ADGRL1: variants seen among roughly 807,000 people sequenced by gnomAD.
ADGRL1 encodes CIRL-1.
ADGRL1 carries 31 observed loss-of-function variants against 148.9 expected under a neutral mutation model. That is an observed-to-expected ratio of 0.21 (90% CI 0.16 to 0.28). The LOEUF (loss-of-function observed/expected upper bound fraction) is 0.28, where lower values mean the gene tolerates loss of function less well. Among genes scored for constraint, ADGRL1 ranks in the 10% least tolerant of loss-of-function variants. ADGRL1 has a pLI of 1.00. For missense variants in ADGRL1, 1,521 were observed against 2,058.8 expected (o/e 0.74, Z 5.05); for synonymous variants, 937 against 900.3 (o/e 1.04, Z -0.73).
chr19:14,182,267 C>T (rs556738652), intron 2 of ADGRL1, among the ~76,000 whole-genome samples: 1 of 152,326 alleles, frequency 6.6e-6, no homozygotes, highest in South Asian at 2.1e-4. Context: ...ATTATTAAGG[C>T]GGTTTGTCTG....
At chr19:14,171,668 C>T (rs1970481561) in intron 3 of ADGRL1, among the ~76,000 whole-genome samples, 1 of 152,150 alleles carries the variant, frequency 6.6e-6, no homozygotes, top group African/African-American at 2.4e-5. Context: ...TGGACACATC[C>T]CACCCTTTGG....
rs767064847 is a variant in ADGRL1 at position 14,183,521 on chromosome 19, A to G, written c.70+12T>C. Reference sequence around the variant, plus strand: ...GGAGCCGCGGCCCCTCCCCGGCCCCAGCAGCACCTACCTTGGGTGGCCGAG... The same window carrying G: ...GGAGCCGCGGCCCCTCCCCGGCCCCGGCAGCACCTACCTTGGGTGGCCGAG... On this transcript the variant is annotated intron_variant, in intron 2 of 22. Transcript: ENST00000361434. The G allele has an allele frequency of 1.8e-5, 28 of 1,565,036 alleles. No homozygotes were observed. The highest frequency in any genetic ancestry group is 2.3e-5 in the Non-Finnish European group (26 of 1,154,408).
chr19:14,199,110 T>C (rs1972443697), intron 1 of ADGRL1, among the ~76,000 whole-genome samples: 1 of 152,172 alleles, frequency 6.6e-6, no homozygotes, highest in Admixed American at 6.5e-5. Flanking sequence ...AGAAGAGGCC[T>C]CCGGCATAGC....
intron 2 of ADGRL1, among the ~76,000 whole-genome samples, chr19:14,181,251 C>G (rs567250092): frequency 2.8e-4 from 43 of 152,330 alleles, no homozygotes; most frequent in African/African-American, 1.0e-3. Context: ...GGAATGAACT[C>G]ATGTTTCTAG....
intron 1 of ADGRL1, among the ~76,000 whole-genome samples, chr19:14,199,255 G>T (rs1364796965): frequency 6.6e-6 from 1 of 152,192 alleles, no homozygotes; most frequent in Admixed American, 6.5e-5. Context: ...GGCTGTGGGG[G>T]TTAGAAATAA....
At chr19:14,205,336 G>C (rs879732907) in intron 1 of ADGRL1, among the ~76,000 whole-genome samples, 3 of 151,958 alleles carry the variant, frequency 2.0e-5, no homozygotes, top group Non-Finnish European at 2.9e-5. Flanking sequence ...CGGCACCACG[G>C]AGAGAAGGTG....
Position 14,151,055 on chromosome 19 carries a change from C to CG in ADGRL1, c.4227dup (p.Ala1410ArgfsTer33). On this transcript the variant is annotated frameshift_variant, in exon 23 of 23. Transcript: ENST00000361434. LOFTEE classifies it high-confidence loss of function. ...TAGATTTCGGGGGGGCCGGGGGGTG[C>CG]GGGAGGGGGTGGGGGCAGGGCCTCA... 1.2e-5 allele frequency: 3 copies of CG among 246,282 alleles called. No individual in the cohort carries two copies. The highest frequency in any genetic ancestry group is 2.3e-4 in the Admixed American group (1 of 4,396). 15.3% of individuals were successfully genotyped at this position (246,282 alleles called of 1,614,324 possible). A position where few individuals can be genotyped will look rare whatever the true frequency, so the allele number is the denominator to read the frequency against.
rs201146355 is a variant in ADGRL1, at chr19:14,152,804, G to A, written c.3403C>T (p.Arg1135Cys). Residue 1135 changes from arginine to cysteine, a missense_variant, in exon 19 of 23, where the codon CGC becomes TGC. Transcript: ENST00000361434. The surrounding 1 kb of genome is among the most constrained non-coding windows in gnomAD (Gnocchi z 6.1). Reference sequence around the variant, plus strand: ...GATACCTGGGTCCCTGTGTAGTAGCGGGTGTTGCTTCGCATGGCTGAGGTC... The same window carrying A: ...GATACCTGGGTCCCTGTGTAGTAGCAGGTGTTGCTTCGCATGGCTGAGGTC... ...LKTSAMRSNT[R>C]YYTGTQSRIR... The A allele has an allele frequency of 1.2e-6, 2 of 1,614,110 alleles. No individual in the cohort carries two copies. The highest frequency in any genetic ancestry group is 8.5e-7 in the Non-Finnish European group (1 of 1,179,998).
chr19:14,151,083 G>A lies in ADGRL1; in HGVS notation c.4200C>T (p.Pro1400=). ...PSYPDSSPEG[P]SEALPPPPPA... ...GAGGGGGTGGGGGCAGGGCCTCACT[G>A]GGCCCCTCAGGGCTGCTGTCCGGGT... is the stretch of plus-strand genomic sequence containing the variant. The change falls in exon 23 of 23, where the codon CCC becomes CCT. Residue 1400 remains proline (P), a synonymous_variant. Coordinates refer to ENST00000361434, the MANE Select transcript of ADGRL1 (RefSeq NM_014921.5). The A allele has an allele frequency of 6.6e-7, 1 of 1,514,960 alleles. No homozygotes were observed. The highest frequency in any genetic ancestry group is 1.3e-5 in the South Asian group (1 of 77,460). 93.8% of individuals were successfully genotyped at this position (1,514,960 alleles called of 1,614,324 possible). A position where few individuals can be genotyped will look rare whatever the true frequency, so the allele number is the denominator to read the frequency against.
chr19:14,159,208 C>T lies in ADGRL1; in HGVS notation c.2031G>A (p.Glu677=), dbSNP rs1171256115. 1 of 1,613,940 alleles carries T rather than the reference C, an allele frequency of 6.2e-7. No homozygotes were observed. Among genetic ancestry groups the T allele is most frequent in the Non-Finnish European group, 8.5e-7 (1 of 1,179,974 alleles). ...GGCCCTCTGTGTTCAGGACTGTGAC[C>T]TCCAGGACTGTGGGGACAGGGGAAG... ...FLAAKENVVL[E]VTVLNTEGQV... The change falls in exon 11 of 23, where the codon GAG becomes GAA. Residue 677 remains glutamate (E), a synonymous_variant. Coordinates refer to ENST00000361434, the MANE Select transcript of ADGRL1 (RefSeq NM_014921.5). The surrounding 1 kb of genome is among the most constrained non-coding windows in gnomAD (Gnocchi z 6.0).
chr19:14,161,256 T>C lies in ADGRL1; in HGVS notation c.1510+56A>G. On this transcript the variant is annotated intron_variant, in intron 6 of 22. Transcript: ENST00000361434. The surrounding 1 kb of genome is among the most constrained non-coding windows in gnomAD (Gnocchi z 4.4). ...CCCCCACCCACACATGCATCTGTGC[T>C]AAGCTGCTGGGGGCATGGCCCCCAT... 6.8e-7 allele frequency: 1 copy of C among 1,475,076 alleles called. No homozygotes were observed. Among genetic ancestry groups the C allele is most frequent in the Non-Finnish European group, 9.0e-7 (1 of 1,114,142 alleles). 91.4% of individuals were successfully genotyped at this position (1,475,076 alleles called of 1,614,324 possible).
chr19:14,161,171 G>T lies in ADGRL1; in HGVS notation c.1510+141C>A. ...ACTGAGTGGCTCCTGTGCCCTGAGA[G>T]CTCTGCTGGTCACTGGGGATGACCC... is the stretch of plus-strand genomic sequence containing the variant. On this transcript the variant is annotated intron_variant, in intron 6 of 22. Coordinates refer to ENST00000361434, the MANE Select transcript of ADGRL1 (RefSeq NM_014921.5). This position sits in a 1 kb window ranked among gnomAD's most constrained non-coding sequence, Gnocchi z 4.4. 1 of 844,144 alleles carries T rather than the reference G, an allele frequency of 1.2e-6. No individual in the cohort carries two copies. Among genetic ancestry groups the T allele is most frequent in the African/African-American group, 1.8e-5 (1 of 56,754 alleles). 52.3% of individuals were successfully genotyped at this position (844,144 alleles called of 1,614,324 possible).
At position 14,152,358 on chromosome 19, in the gene ADGRL1, G is replaced by T. The variant is rs769960369; in HGVS notation, c.3600C>A (p.Ala1200=). Residue 1200 remains alanine (A), a synonymous_variant, in exon 21 of 23, where the codon GCC becomes GCA. Transcript: ENST00000361434. The surrounding 1 kb of genome is among the most constrained non-coding windows in gnomAD (Gnocchi z 6.1). ...GGTSPYNTLI[A]ESVGFNPSSP... ...AGGAGGGATTGAAGCCCACTGACTCGGCGATGAGGGTGTTGTAGGGACTGG... is the reference window on the plus strand; with the variant it reads ...AGGAGGGATTGAAGCCCACTGACTCTGCGATGAGGGTGTTGTAGGGACTGG... 1 of 1,600,014 alleles carries T rather than the reference G, an allele frequency of 6.2e-7. No homozygotes were observed. The highest frequency in any genetic ancestry group is 8.5e-7 in the Non-Finnish European group (1 of 1,171,366).
chr19:14,154,148 G>A (rs1010604415), intron 18 of ADGRL1, among the ~76,000 whole-genome samples: 2 of 152,108 alleles, frequency 1.3e-5, no homozygotes, highest in Non-Finnish European at 2.9e-5. Context: ...GCCACTGCGT[G>A]TGAGGTGGGG....
chr19:14,197,614 C>G (rs1256793153), intron 1 of ADGRL1, among the ~76,000 whole-genome samples: 2 of 152,198 alleles, frequency 1.3e-5, no homozygotes, highest in African/African-American at 2.4e-5. Flanking sequence ...TGCTCTCCCT[C>G]CAAAGGGCTC....
chr19:14,195,473 G>A (rs1160432603), intron 1 of ADGRL1, among the ~76,000 whole-genome samples: 1 of 127,872 alleles, frequency 7.8e-6, no homozygotes, highest in Non-Finnish European at 1.6e-5. Context: ...CTTGGGTGGG[G>A]GGTGGGGGAA....
intron 1 of ADGRL1, among the ~76,000 whole-genome samples, chr19:14,189,676 A>G (rs1192925054): frequency 6.6e-6 from 1 of 152,186 alleles, no homozygotes; most frequent in African/African-American, 2.4e-5. Flanking sequence ...AGTCATCGGT[A>G]ATGGACATGC....
chr19:14,176,333 A>G (rs1225726583), intron 3 of ADGRL1, among the ~76,000 whole-genome samples: 2 of 152,218 alleles, frequency 1.3e-5, no homozygotes, highest in East Asian at 3.8e-4. Context: ...CCTGGGTGAC[A>G]GACTGAGACT....
chr19:14,151,110 G>A lies in ADGRL1; in HGVS notation c.4173C>T (p.Ser1391=). The part of the protein sequence containing the change: ...ASGANLRDSP[S]YPDSSPEGPS... ...GCCCCTCAGGGCTGCTGTCCGGGTA[G>A]GAGGGTGAGTCCCGCAGGTTGGCCC... Residue 1391 remains serine (S), a synonymous_variant, in exon 23 of 23, where the codon TCC becomes TCT. Transcript: ENST00000361434. 4 of 1,559,056 alleles carry A rather than the reference G, an allele frequency of 2.6e-6. No individual in the cohort carries two copies. The highest frequency in any genetic ancestry group is 3.5e-6 in the Non-Finnish European group (4 of 1,154,992).
Sources: gnomAD v4.1 joint callset for allele counts (sites outside exome capture counted in the v4.1 genomes callset) on GRCh38, gnomAD v4.1.1 for gene constraint, Gnocchi (gnomAD v3.1) non-coding constraint, MANE v1.5 for transcripts, NCBI Gene and HGNC (gene_info 2026-07-23, HGNC 2026-07-21) for gene names.